Variants in IL16 observed in about 807,000 individuals in gnomAD.
IL16 encodes the protein interleukin 16.
A neutral mutation model predicts 110.1 loss-of-function variants in IL16; 67 were observed. The ratio of observed to expected loss-of-function variants is 0.61; its 90% CI spans 0.50 to 0.75. The LOEUF is 0.75. Among genes scored for constraint, IL16 ranks in the 30% least tolerant of loss-of-function variants. The pLI, the probability that IL16 is intolerant of heterozygous loss-of-function variation, is 0.00. For missense variants in IL16, 1,545 were observed against 1,655.0 expected, an observed-to-expected ratio of 0.93 and a Z score of 1.15; for synonymous variants, 689 against 662.9, an observed-to-expected ratio of 1.04 and a Z score of -0.61.
At chr15:81,224,020 T>C (rs1219019926) in intron 1 of IL16, among the ~76,000 whole-genome samples, 2 of 152,260 alleles carry the variant, frequency 1.3e-5, no homozygotes, top group African/African-American at 4.8e-5. Context: ...GCCTGATATA[T>C]TGTAGACTTT....
intron 18 of IL16, 188 bp downstream of exon 18, chr15:81,306,733 C>T: frequency 1.4e-6 from 1 of 702,812 alleles, no homozygotes; most frequent in Admixed American, 2.1e-5. Flanking sequence ...CAGACATCCC[C>T]TCAATCCCCC....
Position 81,182,898 on chromosome 15 carries a change from T to C in IL16, c.40+2T>C. 1 of 1,288,542 alleles carries C rather than the reference T, an allele frequency of 7.8e-7. No individual in the cohort carries two copies. Among genetic ancestry groups the C allele is most frequent in the South Asian group, 1.2e-5 (1 of 80,974 alleles). 79.8% of individuals were successfully genotyped at this position (1,288,542 alleles called of 1,614,324 possible). A position where few individuals can be genotyped will look rare whatever the true frequency, so the allele number is the denominator to read the frequency against. ...GAGTCTTCCCGAGAAGGCAGAACGGTGAGTGGAGCTCCTTCTCCTATCCCA... is the reference window on the plus strand; with the variant it reads ...GAGTCTTCCCGAGAAGGCAGAACGGCGAGTGGAGCTCCTTCTCCTATCCCA... On this transcript the variant is annotated splice_donor_variant, in intron 1 of 18. Transcript: ENST00000302987. LOFTEE classifies it high-confidence loss of function.
At chr15:81,298,984 A>G (rs929499696) in intron 13 of IL16, among the ~76,000 whole-genome samples, 4 of 152,256 alleles carry the variant, frequency 2.6e-5, no homozygotes, top group Non-Finnish European at 5.9e-5. Flanking sequence ...TACACATTTA[A>G]CATGGTATCT....
At chr15:81,189,521 G>A (rs1172654325) in intron 1 of IL16, among the ~76,000 whole-genome samples, 1 of 152,182 alleles carries the variant, frequency 6.6e-6, no homozygotes, top group Non-Finnish European at 1.5e-5. Context: ...CTGGCCTCAA[G>A]TGATTCTCCC....
At chr15:81,270,473 C>T (rs1898583464) in intron 5 of IL16, among the ~76,000 whole-genome samples, 1 of 152,186 alleles carries the variant, frequency 6.6e-6, no homozygotes, top group South Asian at 2.1e-4. Flanking sequence ...TCCTCTTTCC[C>T]TCCATCTCCT....
intron 2 of IL16, among the ~76,000 whole-genome samples, chr15:81,249,078 T>G (rs1897676073): frequency 6.6e-6 from 1 of 152,150 alleles, no homozygotes; most frequent in Admixed American, 6.5e-5. Context: ...ATATGAAGGT[T>G]TTCAAAGTGC....
intron 1 of IL16, among the ~76,000 whole-genome samples, chr15:81,222,623 G>C (rs1228516832): frequency 6.6e-6 from 1 of 151,850 alleles, no homozygotes; most frequent in Non-Finnish European, 1.5e-5. Flanking sequence ...GCATCCCCAT[G>C]TTTATATCTT....
At chr15:81,252,530 A>G (rs994670516) in intron 2 of IL16, among the ~76,000 whole-genome samples, 7 of 152,276 alleles carry the variant, frequency 4.6e-5, no homozygotes, top group African/African-American at 1.7e-4. Context: ...GTAATGTTAA[A>G]TGGTTTTTAG....
chr15:81,196,868 C>T (rs1895612090), upstream of IL16: 3 of 1,151,898 alleles, frequency 2.6e-6, no homozygotes, highest in African/African-American at 3.3e-5. Flanking sequence ...CAAATCCATG[C>T]CAGGTGGGAC....
chr15:81,214,478 G>A (rs143195148), intron 1 of IL16, among the ~76,000 whole-genome samples: 2 of 152,098 alleles, frequency 1.3e-5, no homozygotes, highest in African/African-American at 2.4e-5. Flanking sequence ...TAAGGTTTCT[G>A]CTGAGAGGTC....
At chr15:81,213,601 T>C (rs1157075714) in intron 1 of IL16, among the ~76,000 whole-genome samples, 1 of 152,198 alleles carries the variant, frequency 6.6e-6, no homozygotes, top group Non-Finnish European at 1.5e-5. Context: ...TTTAGGATAG[T>C]TAAATTTTCT....
At position 81,300,027 on chromosome 15, in the gene IL16, G is replaced by C; in HGVS notation, c.2701G>C (p.Glu901Gln). 1 of 1,574,478 alleles carries C rather than the reference G, an allele frequency of 6.4e-7. No homozygotes were observed. The highest frequency in any genetic ancestry group is 1.2e-5 in the South Asian group (1 of 84,768). The change falls in exon 14 of 19, where the codon GAG (glutamate) becomes CAG (glutamine). Residue 901 changes from glutamate to glutamine, a missense_variant. Glu to Gln is a conservative substitution (Grantham distance 29). This residue lies in a region of IL16 where 1,185 missense variants were observed against 1,238.8 expected (regional missense o/e 0.96). Transcript: ENST00000683961. The stretch of plus-strand genomic sequence containing the variant: ...ACCCACTCTTGTGCCCCAGCAGCCT[G>C]AGCAAGTACTGTCCTCGGGGTCCCC... ...AAPTLVPQQPEQVLSSGSPAA... is the reference protein window; with the variant it reads ...AAPTLVPQQPQQVLSSGSPAA...
intron 18 of IL16, 75 bp downstream of exon 18, chr15:81,306,620 C>A: frequency 1.3e-6 from 2 of 1,569,844 alleles, no homozygotes; most frequent in Non-Finnish European, 1.7e-6. Context: ...GGCTTCTGGG[C>A]ACTTTCTGGG....
At chr15:81,292,005 C>T (rs912734402) in intron 11 of IL16, 1 of 455,722 alleles carries the variant, frequency 2.2e-6, no homozygotes, top group African/African-American at 2.0e-5. Flanking sequence ...GGGTTCACTA[C>T]CTGTGGCAGG....
chr15:81,258,756 GCT>G lies in IL16; in HGVS notation c.313-999_313-998del, dbSNP rs373777676. ...CTCTCTCTCTCTCTCTCTGTCACTC[GCT>G]CTCTCTCTCTCTCTCTATATATATA... is the stretch of plus-strand genomic sequence containing the variant. On this transcript the variant is annotated intron_variant, in intron 2 of 18. Coordinates refer to ENST00000683961, the MANE Select transcript of IL16 (RefSeq NM_172217.5). 3.2e-3 allele frequency among the ~76,000 whole-genome samples: 467 copies of G among 147,118 alleles called. 1 individual carries two copies. The highest frequency in any genetic ancestry group is 4.3e-3 in the Admixed American group (64 of 15,044).
Position 81,285,733 on chromosome 15 carries a change from CT to C in IL16, c.1236del (p.Val413CysfsTer4). On this transcript the variant is annotated frameshift_variant, in exon 10 of 19. Transcript: ENST00000683961. LOFTEE classifies it high-confidence loss of function. The stretch of plus-strand genomic sequence containing the variant: ...GAGATTGTGGAAATCAGTGATTCCC[CT>C]GTGCACTGCCTGACGCTCAATGAAG... ...GDEIVEISDSPVHCLTLNEVY... is the reference protein window; with the variant it reads ...GDEIVEISDSXVHCLTLNEVY... 6.2e-7 allele frequency: 1 copy of C among 1,614,038 alleles called. No individual in the cohort carries two copies. The highest frequency in any genetic ancestry group is 8.5e-7 in the Non-Finnish European group (1 of 1,179,910).
At position 81,310,431 on chromosome 15, in the gene IL16, C is replaced by T. The variant is rs557468689; in HGVS notation, c.*1633C>T. On this transcript the variant is annotated 3_prime_UTR_variant, in exon 19 of 19. Coordinates refer to ENST00000683961, the MANE Select transcript of IL16 (RefSeq NM_172217.5). ...ATAATGGGCTTAGAGCAGTTTCTGT[C>T]CTGCTGGTTAACTTGTTTGGCCTAT... 6.6e-6 allele frequency: 1 copy of T among 152,172 alleles called. No individual in the cohort carries two copies. Among genetic ancestry groups the T allele is most frequent in the East Asian group, 1.9e-4 (1 of 5,180 alleles). The allele number at this position is 152,172 out of a possible 1,614,324, so 9.4% of individuals were successfully genotyped here.
At chr15:81,300,514 A>T in intron 14 of IL16, 39 bp downstream of exon 14, 1 of 1,323,694 alleles carries the variant, frequency 7.6e-7, no homozygotes, top group Non-Finnish European at 1.1e-6. Flanking sequence ...TACCTTTCTC[A>T]TCTTTTTCTT....
intron 3 of IL16, among the ~76,000 whole-genome samples, chr15:81,262,209 G>C (rs947839420): frequency 6.6e-6 from 1 of 152,140 alleles, no homozygotes; most frequent in South Asian, 2.1e-4. Flanking sequence ...AAGCCTCTTG[G>C]TTAAATTAAT....
Sources: allele counts gnomAD v4.1 joint callset (sites outside exome capture counted in the v4.1 genomes callset), GRCh38; gene constraint gnomAD v4.1.1; regional missense constraint gnomAD v4.1.1; transcripts MANE v1.5; gene names NCBI Gene and HGNC (gene_info 2026-07-23, HGNC 2026-07-21).